RALGAPA2: variants seen among roughly 807,000 people sequenced by gnomAD.
RALGAPA2 encodes Ral GTPase activating protein catalytic subunit alpha 2, also known as ral GTPase-activating protein subunit alpha-2.
Under a neutral mutation model 230.4 loss-of-function variants are expected in RALGAPA2, and 139 were observed. That is an observed-to-expected ratio of 0.60 (90% CI 0.53 to 0.69). The LOEUF (loss-of-function observed/expected upper bound fraction) is 0.69. RALGAPA2 is among the 30% of genes least tolerant of loss of function. The pLI is 0.00. For synonymous variants in RALGAPA2, 847 were observed against 837.8 expected (o/e 1.01, Z -0.19); for missense variants, 2,163 against 2,276.0 (o/e 0.95, Z 1.01).
intron 33 of RALGAPA2, 80 bp downstream of exon 33, chr20:20,511,174 T>G (rs2145336192): frequency 7.2e-6 from 11 of 1,526,478 alleles, no homozygotes; most frequent in South Asian, 2.5e-5. Context: ...GTAAGTCTAT[T>G]CATTCCTGCT....
chr20:20,524,628 C>A, intron 29 of RALGAPA2, 85 bp from the exon 30 acceptor site: 1 of 1,533,594 alleles, frequency 6.5e-7, no homozygotes, highest in Non-Finnish European at 8.9e-7. Flanking sequence ...TCCCTACACC[C>A]AGTATTCAGT....
chr20:20,491,392 G>A (rs2062053302), intron 36 of RALGAPA2, among the ~76,000 whole-genome samples: 1 of 152,136 alleles, frequency 6.6e-6, no homozygotes, highest in Non-Finnish European at 1.5e-5. Context: ...TCCTGCTCAA[G>A]GCTGCTTCTG....
intron 38 of RALGAPA2, among the ~76,000 whole-genome samples, chr20:20,410,342 T>A (rs910874633): frequency 6.6e-6 from 1 of 152,320 alleles, no homozygotes; most frequent in Non-Finnish European, 1.5e-5. Flanking sequence ...TTAATAATCT[T>A]AAGAATGTAA....
intron 3 of RALGAPA2, among the ~76,000 whole-genome samples, chr20:20,654,807 G>C (rs1213137797): frequency 6.6e-6 from 1 of 152,008 alleles, no homozygotes; most frequent in Admixed American, 6.6e-5. Flanking sequence ...TAGTTTTTTT[G>C]AGGAACTTCC....
intron 37 of RALGAPA2, among the ~76,000 whole-genome samples, chr20:20,414,055 G>A (rs1339999535): frequency 1.3e-5 from 2 of 152,270 alleles, no homozygotes; most frequent in Non-Finnish European, 2.9e-5. Flanking sequence ...ACAGCAGGAC[G>A]TTAGGCCTGA....
intron 23 of RALGAPA2, among the ~76,000 whole-genome samples, chr20:20,554,851 T>C (rs189599730): frequency 3.9e-5 from 6 of 152,322 alleles, no homozygotes; most frequent in Admixed American, 2.0e-4. Flanking sequence ...TAATCAGATA[T>C]ATAATTTCAA....
intron 36 of RALGAPA2, among the ~76,000 whole-genome samples, chr20:20,477,465 C>G (rs907169976): frequency 6.6e-6 from 1 of 152,096 alleles, no homozygotes; most frequent in African/African-American, 2.4e-5. Context: ...GCTAAGAATG[C>G]TTTTTACTTT....
At chr20:20,639,696 A>G in intron 7 of RALGAPA2, 89 bp downstream of exon 7, 1 of 920,076 alleles carries the variant, frequency 1.1e-6, no homozygotes, top group Non-Finnish European at 1.7e-6. Context: ...AAGAGGAAAA[A>G]TATAGATACA....
At chr20:20,590,813 C>T (rs1349384833) in intron 17 of RALGAPA2, among the ~76,000 whole-genome samples, 2 of 152,092 alleles carry the variant, frequency 1.3e-5, no homozygotes, top group Non-Finnish European at 2.9e-5. Context: ...TATGTCCCTG[C>T]CCCCATCCTG....
intron 23 of RALGAPA2, among the ~76,000 whole-genome samples, chr20:20,551,904 C>A (rs946721429): frequency 3.3e-5 from 5 of 152,114 alleles, no homozygotes; most frequent in African/African-American, 9.7e-5. Context: ...GTTCTGGAAG[C>A]ATTTCCATTG....
At chr20:20,467,602 A>T (rs914701711) in intron 37 of RALGAPA2, among the ~76,000 whole-genome samples, 1 of 152,116 alleles carries the variant, frequency 6.6e-6, no homozygotes, top group Non-Finnish European at 1.5e-5. Context: ...TTGTATTCTT[A>T]GCGACTTGAG....
intron 23 of RALGAPA2, among the ~76,000 whole-genome samples, chr20:20,556,366 A>G (rs1439484010): frequency 2.0e-5 from 3 of 152,232 alleles, no homozygotes; most frequent in Non-Finnish European, 1.5e-5. Context: ...GGAGACTGAC[A>G]GGGAGATGGC....
chr20:20,455,244 T>C (rs532842870), intron 37 of RALGAPA2, among the ~76,000 whole-genome samples: 1 of 152,362 alleles, frequency 6.6e-6, no homozygotes, highest in East Asian at 1.9e-4. Flanking sequence ...TATCGATCGC[T>C]GCCTGCAGAA....
chr20:20,633,945 A>C (rs962943639), intron 9 of RALGAPA2, among the ~76,000 whole-genome samples: 9 of 152,298 alleles, frequency 5.9e-5, no homozygotes, highest in African/African-American at 1.9e-4. Context: ...TATGTGTATG[A>C]AGGAGAGAGA....
At chr20:20,698,951 A>G (rs1014712914) in intron 1 of RALGAPA2, among the ~76,000 whole-genome samples, 1 of 152,244 alleles carries the variant, frequency 6.6e-6, no homozygotes, top group Non-Finnish European at 1.5e-5. Context: ...GAAAAAAGAC[A>G]ACAGCAAATT....
At chr20:20,704,985 C>A (rs2069537965) in intron 1 of RALGAPA2, among the ~76,000 whole-genome samples, 1 of 152,218 alleles carries the variant, frequency 6.6e-6, no homozygotes, top group South Asian at 2.1e-4. Flanking sequence ...CTGGTGTCTC[C>A]AGGAGGCTTT....
rs1230008712 is a variant in RALGAPA2, at chr20:20,591,201, G to T, written c.2317C>A (p.Pro773Thr). 3 of 1,613,678 alleles carry T rather than the reference G, an allele frequency of 1.9e-6. No individual in the cohort carries two copies. In the East Asian group the frequency reaches 6.7e-5, roughly 36 times the overall value. The change falls in exon 17 of 40, where the codon CCG (proline) becomes ACG (threonine). Residue 773 changes from proline to threonine, a missense_variant. Physicochemically the swap from Pro to Thr is conservative, Grantham distance 38. Transcript: ENST00000202677. ...CCCTGAGAAGAATCTGAGCACAGCG[G>T]CTCGGGGATGTCGGAGGTGCTGCTG... ...RSSSTSDIPE[P>T]LCSDSSQGQK...
intron 16 of RALGAPA2, among the ~76,000 whole-genome samples, chr20:20,598,132 GAAC>G (rs1194970584): frequency 1.3e-5 from 2 of 152,174 alleles, no homozygotes; most frequent in African/African-American, 4.8e-5. Flanking sequence ...TGAAGTACAG[GAAC>G]AACGTTTCTT....
At chr20:20,646,445 T>C (rs983619982) in intron 4 of RALGAPA2, among the ~76,000 whole-genome samples, 2 of 152,212 alleles carry the variant, frequency 1.3e-5, no homozygotes, top group Non-Finnish European at 2.9e-5. Flanking sequence ...CTGTTTGGAT[T>C]TTTAAACTTC....
Sources: gnomAD v4.1 joint callset for allele counts (sites outside exome capture counted in the v4.1 genomes callset) on GRCh38, gnomAD v4.1.1 for gene constraint, MANE v1.5 for transcripts, NCBI Gene and HGNC (gene_info 2026-07-23, HGNC 2026-07-21) for gene names.